Variants in DPF1 observed in about 807,000 individuals in gnomAD.
DPF1 encodes the protein double PHD fingers 1, also known as zinc finger protein neuro-d4.
Under a neutral mutation model 58.7 loss-of-function variants are expected in DPF1, and 14 were observed. The observed-to-expected ratio is 0.24, with a 90% CI of 0.16 to 0.37. DPF1 has a LOEUF of 0.37. DPF1 is among the 10% of genes least tolerant of loss of function. The pLI is 1.00. For synonymous variants in DPF1, 216 were observed against 216.0 expected (o/e 1.00, Z 0.00); for missense variants, 345 against 529.9 (o/e 0.65, Z 3.43).
Position 38,211,686 on chromosome 19 carries a change from C to G in DPF1, c.*377G>C. On this transcript the variant is annotated 3_prime_UTR_variant, in exon 12 of 12. Coordinates refer to ENST00000355526, the MANE Select transcript of DPF1 (RefSeq NM_001135155.3). This position sits in a 1 kb window ranked among gnomAD's most constrained non-coding sequence, Gnocchi z 4.0. Reference sequence around the variant, plus strand: ...TTGGAGGACTCTTTGTATATATTAACTTCTTTTCTTTTCTTCTTTTTTTTT... The same window carrying G: ...TTGGAGGACTCTTTGTATATATTAAGTTCTTTTCTTTTCTTCTTTTTTTTT... The G allele has an allele frequency of 5.3e-6, 1 of 187,850 alleles. No individual in the cohort carries two copies. Among genetic ancestry groups the G allele is most frequent in the Non-Finnish European group, 1.1e-5 (1 of 91,486 alleles). 11.6% of individuals were successfully genotyped at this position (187,850 alleles called of 1,614,324 possible).
chr19:38,223,815 C>T, intron 1 of DPF1: 2 of 303,082 alleles, frequency 6.6e-6, no homozygotes, highest in Non-Finnish European at 1.2e-5. Flanking sequence ...CCAAGGCCCC[C>T]GCACCCCCGG....
intron 4 of DPF1, 54 bp downstream of exon 4, chr19:38,218,877 C>A: frequency 6.2e-7 from 1 of 1,604,228 alleles, no homozygotes; most frequent in Admixed American, 1.7e-5. Flanking sequence ...GGGCTGGTGG[C>A]AGGCAGGGGT....
At chr19:38,218,906 G>C (rs767957250) in intron 4 of DPF1, 25 bp downstream of exon 4, 5 of 1,612,982 alleles carry the variant, frequency 3.1e-6, no homozygotes, top group Non-Finnish European at 4.2e-6. Context: ...GCCATGCAGC[G>C]GGGGTCCCCC....
rs772616376 is a variant in DPF1 at position 38,218,984 on chromosome 19, T to C, written c.373A>G (p.Thr125Ala). 6.2e-7 allele frequency: 1 copy of C among 1,614,178 alleles called. No individual in the cohort carries two copies. Among genetic ancestry groups the C allele is most frequent in the Non-Finnish European group, 8.5e-7 (1 of 1,180,026 alleles). ...PVLEALLCAE[T>A]GEKKIELKEE... is the part of the protein sequence containing the mutation. ...TTCAGCTCAATCTTCTTCTCCCCCGTCTCTGCACACAGTAGAGCCTCGAGG... is the reference window on the plus strand; with the variant it reads ...TTCAGCTCAATCTTCTTCTCCCCCGCCTCTGCACACAGTAGAGCCTCGAGG... Residue 125 changes from threonine to alanine, a missense_variant, in exon 4 of 12, where the codon ACG becomes GCG. Transcript: ENST00000355526.
chr19:38,214,005 C>T (rs1362975662), intron 9 of DPF1: 1 of 520,622 alleles, frequency 1.9e-6, no homozygotes, highest in Non-Finnish European at 3.5e-6. Context: ...ATGGCAACCG[C>T]ATTCCATTAC....
intron 10 of DPF1, among the ~76,000 whole-genome samples, chr19:38,212,608 T>C (rs565190108): frequency 6.6e-6 from 1 of 152,008 alleles, no homozygotes; most frequent in East Asian, 1.9e-4. Context: ...GGCTTATTAT[T>C]ATTATTATTT....
At position 38,222,841 on chromosome 19, in the gene DPF1, C is replaced by G. The variant is rs1967607586; in HGVS notation, c.30-133G>C. 8.7e-6 allele frequency: 11 copies of G among 1,265,604 alleles called. No individual in the cohort carries two copies. The South Asian group carries it at 1.7e-4, about 19-fold the overall frequency. 78.4% of individuals were successfully genotyped at this position (1,265,604 alleles called of 1,614,324 possible). A position where few individuals can be genotyped will look rare whatever the true frequency, so the allele number is the denominator to read the frequency against. ...CCGACCCCTCCAGCCTCACCTCTCCCCTCCTCCCACTCCGGGACCCAGGCT... is the reference window on the plus strand; with the variant it reads ...CCGACCCCTCCAGCCTCACCTCTCCGCTCCTCCCACTCCGGGACCCAGGCT... On this transcript the variant is annotated intron_variant, in intron 1 of 11. Transcript: ENST00000355526. This position sits in a 1 kb window ranked among gnomAD's most constrained non-coding sequence, Gnocchi z 4.9.
chr19:38,214,003 C>T (rs1021635772), intron 9 of DPF1: 26 of 520,522 alleles, frequency 5.0e-5, no homozygotes, highest in Non-Finnish European at 7.0e-5. Flanking sequence ...CCATGGCAAC[C>T]GCATTCCATT....
In DPF1 at chr19:38,218,910, GT is replaced by G; in HGVS notation, c.426+20del. 1 of 1,613,388 alleles carries G rather than the reference GT, an allele frequency of 6.2e-7. No individual in the cohort carries two copies. The highest frequency in any genetic ancestry group is 8.5e-7 in the Non-Finnish European group (1 of 1,179,786). On this transcript the variant is annotated intron_variant, in intron 4 of 11. Transcript: ENST00000355526. The stretch of plus-strand genomic sequence containing the variant: ...GGTGAGACGAAGCCATGCAGCGGGG[GT>G]CCCCCAGAGGTGGGCCCACCTGACA...
At chr19:38,217,234 C>T (rs1015157596) in intron 7 of DPF1, among the ~76,000 whole-genome samples, 5 of 152,000 alleles carry the variant, frequency 3.3e-5, no homozygotes, top group Non-Finnish European at 7.4e-5. Context: ...CTAATTGAAA[C>T]AATAAATCAG....
chr19:38,216,149 C>T lies in DPF1; in HGVS notation c.889G>A (p.Gly297Arg), dbSNP rs1207749748. 1 of 1,613,198 alleles carries T rather than the reference C, an allele frequency of 6.2e-7. No individual in the cohort carries two copies. The highest frequency in any genetic ancestry group is 1.3e-5 in the African/African-American group (1 of 74,910). ...AGGTGGGGAGCATCACCTGATCGCC[C>T]ACAGTCCGCACAGGAGATGAGGTCC... Reference protein sequence around the residue: ...PEDLISCADCGRSGHPSCLQF... With the variant: ...PEDLISCADCRRSGHPSCLQF... The change falls in exon 9 of 12, where the codon GGG becomes AGG. Residue 297 changes from glycine to arginine, a missense_variant. Coordinates refer to ENST00000355526, the MANE Select transcript of DPF1 (RefSeq NM_001135155.3).
At chr19:38,217,396 C>CCCCACGGCGCCA in intron 7 of DPF1, 64 bp downstream of exon 7, 1 of 1,225,742 alleles carries the variant, frequency 8.2e-7, no homozygotes, top group Non-Finnish European at 1.1e-6. Context: ...CCCCCACCCC[C>CCCCACGGCGCCA]AGCTGGGCTC....
rs1274982778 is a variant in DPF1 at position 38,213,857 on chromosome 19, G to A, written c.899-101C>T. The A allele has an allele frequency of 6.1e-6, 6 of 988,098 alleles. No homozygotes were observed. In the East Asian group the frequency reaches 1.6e-4, roughly 26 times the overall value. 61.2% of individuals were successfully genotyped at this position (988,098 alleles called of 1,614,324 possible). On this transcript the variant is annotated intron_variant, in intron 9 of 11. Coordinates refer to ENST00000355526, the MANE Select transcript of DPF1 (RefSeq NM_001135155.3). ...AGCTCAGCCCCTACCCCTGGCTCAT[G>A]ACGCCAGGATGAGCTGCCGGGATCC... is the stretch of plus-strand genomic sequence containing the variant.
In DPF1 at chr19:38,217,601, G is replaced by T. The variant is rs747124096; in HGVS notation, c.596-10C>A. Reference sequence around the variant, plus strand: ...TACCGTTTCCCACAGACTGGGGAGCGAGCGAGCCAGGAGGGCCTGTCAGCC... The same window carrying T: ...TACCGTTTCCCACAGACTGGGGAGCTAGCGAGCCAGGAGGGCCTGTCAGCC... On this transcript the variant is annotated splice_polypyrimidine_tract_variant and intron_variant, in intron 6 of 11. Coordinates refer to ENST00000355526, the MANE Select transcript of DPF1 (RefSeq NM_001135155.3). 1 of 1,543,942 alleles carries T rather than the reference G, an allele frequency of 6.5e-7. No individual in the cohort carries two copies. Among genetic ancestry groups the T allele is most frequent in the Non-Finnish European group, 8.8e-7 (1 of 1,142,038 alleles).
At chr19:38,221,194 G>A (rs141450359) in intron 3 of DPF1, among the ~76,000 whole-genome samples, 4 of 152,172 alleles carry the variant, frequency 2.6e-5, no homozygotes, top group Admixed American at 2.0e-4. Context: ...ACATCCAGAC[G>A]CCCTTGGGGA....
intron 10 of DPF1, among the ~76,000 whole-genome samples, chr19:38,213,249 C>A (rs1417081302): frequency 1.3e-5 from 2 of 152,068 alleles, no homozygotes; most frequent in African/African-American, 2.4e-5. Flanking sequence ...TGCTGGGATT[C>A]CAGGCGTGAG....
At chr19:38,214,335 G>T (rs1359702662) in intron 9 of DPF1, among the ~76,000 whole-genome samples, 1 of 152,148 alleles carries the variant, frequency 6.6e-6, no homozygotes, top group Non-Finnish European at 1.5e-5. Context: ...AGAGACACCC[G>T]CAGCCGCTAC....
upstream of DPF1, among the ~76,000 whole-genome samples, chr19:38,224,845 G>A (rs1481482909): frequency 6.6e-6 from 1 of 152,352 alleles, no homozygotes; most frequent in African/African-American, 2.4e-5. The surrounding 1 kb of genome is among the most constrained non-coding windows in gnomAD (Gnocchi z 4.5). Context: ...TGTGACCTTG[G>A]CAAATGACTT....
chr19:38,227,033 C>T (rs760376825), upstream of DPF1, among the ~76,000 whole-genome samples: 100 of 132,238 alleles, frequency 7.6e-4, no homozygotes, highest in East Asian at 0.017. Flanking sequence ...TTCCTTCCTT[C>T]CTTTCTTTCT....
Sources: gnomAD v4.1 joint callset for allele counts (sites outside exome capture counted in the v4.1 genomes callset) on GRCh38, gnomAD v4.1.1 for gene constraint, Gnocchi (gnomAD v3.1) non-coding constraint, MANE v1.5 for transcripts, NCBI Gene and HGNC (gene_info 2026-07-23, HGNC 2026-07-21) for gene names.